Variants in TVP23B observed in about 807,000 individuals in gnomAD.
TVP23B encodes the protein trans-golgi network vesicle protein 23 homolog B, also known as Golgi apparatus membrane protein TVP23 homolog B.
TVP23B carries 10 observed loss-of-function variants against 30.6 expected under a neutral mutation model. The observed-to-expected ratio is 0.33, with a 90% CI of 0.20 to 0.55. The LOEUF is 0.55. Ranked by LOEUF, TVP23B falls within the 20% of genes least tolerant of loss-of-function variation. The pLI is 0.91. For missense variants in TVP23B, 153 were observed against 243.2 expected (o/e 0.63, Z 2.47); for synonymous variants, 67 against 83.1 (o/e 0.81, Z 1.06).
intron 1 of TVP23B, among the ~76,000 whole-genome samples, chr17:18,784,761 G>A (rs2151842602): frequency 6.6e-6 from 1 of 152,348 alleles, no homozygotes; most frequent in African/African-American, 2.4e-5. Flanking sequence ...TTGGTTTCCA[G>A]GACACTACCC....
At chr17:18,789,130 G>A (rs1280588031) in intron 1 of TVP23B, 1 of 627,424 alleles carries the variant, frequency 1.6e-6, no homozygotes, top group East Asian at 3.1e-5. Flanking sequence ...CTAGGGGCAG[G>A]GATGGAGGAG....
intron 3 of TVP23B, among the ~76,000 whole-genome samples, chr17:18,793,647 G>A (rs944945286): frequency 2.0e-5 from 3 of 151,432 alleles, no homozygotes; most frequent in Non-Finnish European, 4.4e-5. Context: ...AAAACCAGTC[G>A]TGTATCTTCT....
Position 18,789,176 on chromosome 17 carries a change from A to T in TVP23B, c.13-177A>T, listed in dbSNP as rs1201282732. 6 of 976,154 alleles carry T rather than the reference A, an allele frequency of 6.1e-6. No homozygotes were observed. In the Admixed American group the frequency reaches 8.5e-5, roughly 14 times the overall value. 60.5% of individuals were successfully genotyped at this position (976,154 alleles called of 1,614,324 possible). A position where few individuals can be genotyped will look rare whatever the true frequency, so the allele number is the denominator to read the frequency against. ...GATTATTCTCTGGGTTTTTTGCCAG[A>T]TGATTTGAGGAGGCGGGTGGAGGAT... On this transcript the variant is annotated intron_variant, in intron 1 of 6. Coordinates refer to ENST00000307767, the MANE Select transcript of TVP23B (RefSeq NM_016078.6).
At chr17:18,794,845 C>T (rs1261253610) in intron 3 of TVP23B, among the ~76,000 whole-genome samples, 2 of 150,858 alleles carry the variant, frequency 1.3e-5, no homozygotes, top group Non-Finnish European at 3.0e-5. Context: ...TTTTCTTCTC[C>T]TGTATTCCCT....
chr17:18,797,791 C>T, intron 4 of TVP23B, 123 bp downstream of exon 4: 2 of 877,968 alleles, frequency 2.3e-6, no homozygotes, highest in Middle Eastern at 3.7e-4. Flanking sequence ...GGCATGTCAG[C>T]ACTAAAGGAG....
At chr17:18,792,572 CT>C (rs947998077) in intron 3 of TVP23B, among the ~76,000 whole-genome samples, 4 of 152,150 alleles carry the variant, frequency 2.6e-5, no homozygotes, top group Non-Finnish European at 5.9e-5. Flanking sequence ...CATAAAATTT[CT>C]GTTCAGCCAA....
intron 6 of TVP23B, chr17:18,804,606 T>G: frequency 1.6e-6 from 1 of 619,918 alleles, no homozygotes; most frequent in Non-Finnish European, 2.1e-6. Context: ...TTTTTTTTTT[T>G]GAGACAGAGT....
At chr17:18,783,014 A>G (rs985552283) in intron 1 of TVP23B, among the ~76,000 whole-genome samples, 6 of 148,530 alleles carry the variant, frequency 4.0e-5, no homozygotes, top group Non-Finnish European at 8.9e-5. Flanking sequence ...TGCTTCTGAC[A>G]TTTGAACCTG....
At chr17:18,781,555 C>T in intron 1 of TVP23B, 1 of 548,556 alleles carries the variant, frequency 1.8e-6, no homozygotes, top group Non-Finnish European at 3.0e-6. Context: ...CATTGTTAAC[C>T]AGCGCGAGTG....
At chr17:18,792,394 G>C (rs2036011414) in intron 3 of TVP23B, among the ~76,000 whole-genome samples, 1 of 152,174 alleles carries the variant, frequency 6.6e-6, no homozygotes, top group Non-Finnish European at 1.5e-5. Flanking sequence ...AGTTTCCATA[G>C]GCCGCATAAT....
chr17:18,781,516 C>A (rs986556904), intron 1 of TVP23B: 12 of 815,812 alleles, frequency 1.5e-5, no homozygotes, highest in African/African-American at 1.7e-5. Flanking sequence ...CGGCGCAGAG[C>A]AAGTACTTCT....
intron 3 of TVP23B, among the ~76,000 whole-genome samples, chr17:18,792,698 T>C (rs2036015355): frequency 6.6e-6 from 1 of 152,244 alleles, no homozygotes; most frequent in South Asian, 2.1e-4. Context: ...ATAAGGTTTA[T>C]TTGTTTATTT....
Position 18,790,926 on chromosome 17 carries a change from C to G in TVP23B, c.126C>G (p.Phe42Leu), listed in dbSNP as rs778630125. Reference sequence around the variant, plus strand: ...CAGTAGCATCGTTTTTCCACTTATTCTTTCGAGTCAGTGCAATCATCGTCT... The same window carrying G: ...CAGTAGCATCGTTTTTCCACTTATTGTTTCGAGTCAGTGCAATCATCGTCT... ...RHPVASFFHL[F>L]FRVSAIIVYL... Residue 42 changes from phenylalanine to leucine, a missense_variant, in exon 3 of 7, where the codon TTC (phenylalanine) becomes TTG (leucine). Phe to Leu is a conservative substitution (Grantham distance 22, BLOSUM62 0). Transcript: ENST00000307767. 6.2e-7 allele frequency: 1 copy of G among 1,611,018 alleles called. No homozygotes were observed. The highest frequency in any genetic ancestry group is 8.5e-7 in the Non-Finnish European group (1 of 1,179,124).
chr17:18,804,440 T>C (rs2036217827), intron 6 of TVP23B, 174 bp downstream of exon 6: 3 of 1,277,372 alleles, frequency 2.3e-6, no homozygotes, highest in African/African-American at 3.1e-5. Flanking sequence ...TGGAAGTGTA[T>C]TGTCAGTATC....
At chr17:18,802,100 T>C (rs966448116) in intron 5 of TVP23B, among the ~76,000 whole-genome samples, 1 of 152,076 alleles carries the variant, frequency 6.6e-6, no homozygotes, top group African/African-American at 2.4e-5. Flanking sequence ...CAGGCACCTG[T>C]AGTCCCAGTT....
intron 4 of TVP23B, among the ~76,000 whole-genome samples, chr17:18,798,252 G>T (rs1030200633): frequency 1.3e-5 from 2 of 152,088 alleles, no homozygotes; most frequent in Non-Finnish European, 2.9e-5. Flanking sequence ...TACACCAAGG[G>T]TATTGACAAG....
chr17:18,792,919 A>G (rs2151847218), intron 3 of TVP23B, among the ~76,000 whole-genome samples: 1 of 152,340 alleles, frequency 6.6e-6, no homozygotes, highest in Non-Finnish European at 1.5e-5. Flanking sequence ...TAAAAAAACA[A>G]AAAATCAATC....
intron 5 of TVP23B, 76 bp downstream of exon 5, chr17:18,799,019 T>C (rs1567636583): frequency 6.6e-7 from 1 of 1,526,402 alleles, no homozygotes; most frequent in Middle Eastern, 1.8e-4. Flanking sequence ...CAACTACAAC[T>C]GAGTCCTTAT....
intron 1 of TVP23B, 93 bp downstream of exon 1, chr17:18,781,398 T>G: frequency 6.5e-7 from 1 of 1,529,658 alleles, no homozygotes; most frequent in Non-Finnish European, 8.8e-7. Context: ...CCGCGCCCGC[T>G]ACTCGAACTC....
Sources: gnomAD v4.1 joint callset for allele counts (sites outside exome capture counted in the v4.1 genomes callset) on GRCh38, gnomAD v4.1.1 for gene constraint, MANE v1.5 for transcripts, NCBI Gene and HGNC (gene_info 2026-07-23, HGNC 2026-07-21) for gene names.